Variants in DLC1 observed in about 807,000 individuals in gnomAD.
DLC1 encodes rho GTPase-activating protein 7.
A neutral mutation model predicts 140.3 loss-of-function variants in DLC1; 54 were observed. That is an observed-to-expected ratio of 0.38 (90% CI 0.31 to 0.48). DLC1 has a LOEUF of 0.48. Ranked by LOEUF, DLC1 falls within the 20% of genes least tolerant of loss-of-function variation. DLC1 has a pLI of 0.96. For synonymous variants in DLC1, 986 were observed against 728.1 expected, an observed-to-expected ratio of 1.35 and a Z score of -5.70; for missense variants, 2,536 against 1,907.0, an observed-to-expected ratio of 1.33 and a Z score of -6.14.
At chr8:13,494,443 T>A (rs1193227665) in intron 2 of DLC1, among the ~76,000 whole-genome samples, 1 of 152,172 alleles carries the variant, frequency 6.6e-6, no homozygotes, top group African/African-American at 2.4e-5. Flanking sequence ...CAGGGTGCGA[T>A]CACCCCTGTA....
Position 13,099,937 on chromosome 8 carries a change from G to A in DLC1, c.2400C>T (p.Ser800=), listed in dbSNP as rs1330795213. 6 of 1,613,596 alleles carry A rather than the reference G, an allele frequency of 3.7e-6. No individual in the cohort carries two copies. The highest frequency in any genetic ancestry group is 5.1e-6 in the Non-Finnish European group (6 of 1,180,020). The change falls in exon 9 of 18, where the codon AGC becomes AGT. Residue 800 remains serine (S), a synonymous_variant. Transcript: ENST00000276297. The part of the protein sequence containing the change: ...VVEQNFKNRE[S]YPEDTVFYIP... ...TGTAGAACACCGTGTCCTCTGGGTA[G>A]CTCTCGCGGTTCTTAAAGTTCTGCT...
intron 5 of DLC1, among the ~76,000 whole-genome samples, chr8:13,189,968 G>A (rs572753016): frequency 6.6e-6 from 1 of 152,104 alleles, no homozygotes; most frequent in East Asian, 1.9e-4. Flanking sequence ...CCCAGCGCAT[G>A]GACAGAGGTT....
intron 5 of DLC1, among the ~76,000 whole-genome samples, chr8:13,287,739 A>G (rs1171253477): frequency 1.3e-5 from 2 of 152,228 alleles, no homozygotes; most frequent in Admixed American, 1.3e-4. Flanking sequence ...CACCAAGACT[A>G]GATCGCCGAT....
At chr8:13,436,430 C>A (rs934411135) in intron 2 of DLC1, among the ~76,000 whole-genome samples, 26 of 152,292 alleles carry the variant, frequency 1.7e-4, no homozygotes, top group African/African-American at 6.3e-4. Flanking sequence ...AAATGAGAAA[C>A]CTTGTTAGTG....
chr8:13,539,324 T>A (rs1409389255), intron 1 of DLC1, among the ~76,000 whole-genome samples: 1 of 152,040 alleles, frequency 6.6e-6, no homozygotes, highest in Non-Finnish European at 1.5e-5. Context: ...CTTAGCCTCC[T>A]AAGTAACTGG....
intron 2 of DLC1, among the ~76,000 whole-genome samples, chr8:13,482,128 T>C (rs1436271947): frequency 6.6e-6 from 1 of 152,188 alleles, no homozygotes; most frequent in Non-Finnish European, 1.5e-5. Context: ...AGGTGCTTTG[T>C]TAGGACAGCC....
intron 2 of DLC1, among the ~76,000 whole-genome samples, chr8:13,471,316 A>C (rs1230432481): frequency 1.3e-5 from 2 of 152,140 alleles, no homozygotes; most frequent in Admixed American, 6.5e-5. Flanking sequence ...CACCAAAAAA[A>C]AAAAAGAGAA....
intron 12 of DLC1, 85 bp from the exon 13 acceptor site, chr8:13,092,910 C>G (rs566270872): frequency 7.0e-7 from 1 of 1,422,258 alleles, no homozygotes; most frequent in South Asian, 1.3e-5. Context: ...ATATCGGCAT[C>G]AAATACCTCA....
In DLC1 at chr8:13,501,765, A is replaced by T. The variant is rs574812321; in HGVS notation, c.-125-1569T>A. On this transcript the variant is annotated intron_variant, in intron 1 of 17. Transcript: ENST00000276297. ...ATCTTGAAAAGTGGTCAGCCTTCACATTTTCCATGTTGACGTTCACTCTGC... is the reference window on the plus strand; with the variant it reads ...ATCTTGAAAAGTGGTCAGCCTTCACTTTTTCCATGTTGACGTTCACTCTGC... Among the ~76,000 whole-genome samples the T allele has an allele frequency of 3.3e-5, 5 of 152,222 alleles. No homozygotes were observed. The East Asian group carries it at 7.7e-4, about 24-fold the overall frequency.
At chr8:13,155,061 G>C (rs536860689) in intron 5 of DLC1, among the ~76,000 whole-genome samples, 2 of 150,700 alleles carry the variant, frequency 1.3e-5, no homozygotes, top group Non-Finnish European at 2.9e-5. Context: ...ATTCTGTAAC[G>C]TATATACTTG....
chr8:13,103,839 C>CAAAAAAAAAA (rs1002564334), intron 7 of DLC1, among the ~76,000 whole-genome samples: 1 of 60,796 alleles, frequency 1.6e-5, no homozygotes, highest in African/African-American at 5.0e-5. Context: ...GACTCCATCT[C>CAAAAAAAAAA]AAAAAAAAAA....
intron 5 of DLC1, among the ~76,000 whole-genome samples, chr8:13,228,976 T>G (rs887300589): frequency 6.6e-6 from 1 of 152,210 alleles, no homozygotes. Flanking sequence ...GGAACCCTCA[T>G]GCGTTGTTGG....
intron 2 of DLC1, among the ~76,000 whole-genome samples, chr8:13,491,938 A>G (rs1277884778): frequency 1.3e-5 from 2 of 152,228 alleles, no homozygotes; most frequent in Non-Finnish European, 2.9e-5. Flanking sequence ...CACTGCGGAC[A>G]CAAGGTTGAA....
intron 1 of DLC1, among the ~76,000 whole-genome samples, chr8:13,585,259 G>A (rs146975155): frequency 1.3e-5 from 2 of 152,222 alleles, no homozygotes; most frequent in Non-Finnish European, 2.9e-5. Flanking sequence ...ATGTGTTTCT[G>A]GAACATAAAG....
intron 5 of DLC1, among the ~76,000 whole-genome samples, chr8:13,190,379 C>T (rs1230837944): frequency 6.6e-6 from 1 of 152,052 alleles, no homozygotes; most frequent in Non-Finnish European, 1.5e-5. Flanking sequence ...ACTGTCACCA[C>T]CCATGGCTGG....
intron 4 of DLC1, among the ~76,000 whole-genome samples, chr8:13,359,304 C>G (rs1299631785): frequency 6.6e-6 from 1 of 152,084 alleles, no homozygotes; most frequent in African/African-American, 2.4e-5. Context: ...TAAGCTGATT[C>G]GGAATTCCTT....
At chr8:13,587,077 T>TAC (rs3066501) in intron 1 of DLC1, among the ~76,000 whole-genome samples, 59,202 of 142,722 alleles carry the variant, frequency 0.41, 13,035 homozygotes, top group South Asian at 0.54. Flanking sequence ...GAAAATAGTT[T>TAC]ACACACACAC....
At chr8:13,603,601 A>G (rs1805958016) in intron 1 of DLC1, among the ~76,000 whole-genome samples, 1 of 152,082 alleles carries the variant, frequency 6.6e-6, no homozygotes, top group Non-Finnish European at 1.5e-5. Flanking sequence ...TTCGCTCTCT[A>G]CATCATAGTG....
intron 2 of DLC1, among the ~76,000 whole-genome samples, chr8:13,453,424 GTGTATATA>G (rs1169899185): frequency 1.8e-5 from 1 of 56,538 alleles, no homozygotes; most frequent in Non-Finnish European, 2.6e-5. Context: ...ATATATATAT[GTGTATATA>G]TATATGTATA....
Sources: allele counts gnomAD v4.1 joint callset (sites outside exome capture counted in the v4.1 genomes callset), GRCh38; gene constraint gnomAD v4.1.1; transcripts MANE v1.5; gene names NCBI Gene and HGNC (gene_info 2026-07-23, HGNC 2026-07-21).